Variants in ST18 observed in about 807,000 individuals in gnomAD.
The protein encoded by ST18 is suppression of tumorigenicity 18 protein.
In ST18, 50 loss-of-function variants were observed where a neutral mutation model predicts 110.0. The observed-to-expected ratio is 0.45, with a 90% CI of 0.36 to 0.58. The LOEUF is 0.58. Among genes scored for constraint, ST18 ranks in the 20% least tolerant of loss-of-function variants. The pLI, the probability that ST18 is intolerant of heterozygous loss-of-function variation, is 0.00. For missense variants in ST18, 1,306 were observed against 1,280.1 expected (o/e 1.02, Z -0.31); for synonymous variants, 461 against 452.4 (o/e 1.02, Z -0.24).
intron 2 of ST18, among the ~76,000 whole-genome samples, chr8:52,239,183 G>C (rs1287728472): frequency 6.6e-6 from 1 of 152,158 alleles, no homozygotes; most frequent in Non-Finnish European, 1.5e-5. Context: ...CCCAGGGTTA[G>C]GAGGAAGATG....
chr8:52,184,290 A>G (rs2071091556), intron 8 of ST18, among the ~76,000 whole-genome samples: 1 of 152,208 alleles, frequency 6.6e-6, no homozygotes, highest in East Asian at 1.9e-4. Flanking sequence ...CTATTCAATC[A>G]AACTGTTGCT....
chr8:52,385,662 C>T (rs1227360128), intron 2 of ST18, among the ~76,000 whole-genome samples: 2 of 151,038 alleles, frequency 1.3e-5, no homozygotes, highest in African/African-American at 4.9e-5. Context: ...CTGCTGCCCA[C>T]TCTGCCATAC....
intron 2 of ST18, among the ~76,000 whole-genome samples, chr8:52,338,530 C>T (rs1328136903): frequency 6.6e-6 from 1 of 151,434 alleles, no homozygotes; most frequent in Non-Finnish European, 1.5e-5. Flanking sequence ...CACAGGTGAT[C>T]CTCCCACCTC....
intron 15 of ST18, among the ~76,000 whole-genome samples, chr8:52,152,164 C>G (rs2058976735): frequency 6.6e-6 from 1 of 152,204 alleles, no homozygotes. Flanking sequence ...CACTGGGGAG[C>G]AGGGTACAGA....
chr8:52,126,089 A>C lies in ST18; in HGVS notation c.2718T>G (p.Ser906=). Residue 906 remains serine, a synonymous_variant, in exon 23 of 26, where the codon TCT becomes TCG. Coordinates refer to ENST00000689386, the MANE Select transcript of ST18 (RefSeq NM_001352837.2). ...NAQVIKKGKV[S]EELMTIKLKA... ...TGAGCTTGATGGTCATGAGTTCTTC[A>C]GAAACCTTGCCCTTTTTGATAACTT... The C allele has an allele frequency of 5.6e-6, 9 of 1,614,164 alleles. No homozygotes were observed. The highest frequency in any genetic ancestry group is 7.6e-6 in the Non-Finnish European group (9 of 1,180,000).
chr8:52,376,592 T>C (rs1220747887), intron 2 of ST18, among the ~76,000 whole-genome samples: 1 of 151,854 alleles, frequency 6.6e-6, no homozygotes, highest in African/African-American at 2.4e-5. Context: ...TGTGGTTCAC[T>C]TATTTATTAC....
chr8:52,200,816 T>A (rs2077712068), intron 8 of ST18, among the ~76,000 whole-genome samples: 2 of 152,186 alleles, frequency 1.3e-5, no homozygotes, highest in South Asian at 4.1e-4. Flanking sequence ...CCAAGACTTT[T>A]GAATGTCCCC....
intron 2 of ST18, among the ~76,000 whole-genome samples, chr8:52,302,659 T>C (rs1191584289): frequency 6.6e-6 from 1 of 152,170 alleles, no homozygotes; most frequent in Admixed American, 6.5e-5. Flanking sequence ...GAAAAAATTA[T>C]GGGAATATAT....
intron 2 of ST18, among the ~76,000 whole-genome samples, chr8:52,398,908 TG>T: frequency 6.6e-6 from 1 of 152,190 alleles, no homozygotes; most frequent in Non-Finnish European, 1.5e-5. Flanking sequence ...TCTTTTTCTG[TG>T]GTGTCTTTGT....
intron 2 of ST18, among the ~76,000 whole-genome samples, chr8:52,387,745 G>T (rs931326528): frequency 4.6e-5 from 7 of 152,080 alleles, no homozygotes; most frequent in Non-Finnish European, 1.0e-4. Flanking sequence ...TGACTTGCCT[G>T]CCAGGAATGT....
At chr8:52,279,898 C>T (rs970510383) in intron 2 of ST18, among the ~76,000 whole-genome samples, 4 of 152,064 alleles carry the variant, frequency 2.6e-5, no homozygotes, top group East Asian at 1.9e-4. Context: ...TCACCCAAAA[C>T]GAAAATCTGA....
intron 2 of ST18, among the ~76,000 whole-genome samples, chr8:52,329,080 A>G (rs747200230): frequency 6.6e-6 from 1 of 152,134 alleles, no homozygotes; most frequent in Non-Finnish European, 1.5e-5. Flanking sequence ...TCTCTCACCC[A>G]GCATATTCCA....
At chr8:52,201,967 C>A (rs1400250812) in intron 8 of ST18, among the ~76,000 whole-genome samples, 2 of 152,130 alleles carry the variant, frequency 1.3e-5, no homozygotes, top group Admixed American at 6.5e-5. Flanking sequence ...TTATTGATTG[C>A]AGAAAAATGA....
chr8:52,213,242 T>C (rs1203653576), intron 7 of ST18, among the ~76,000 whole-genome samples: 11 of 152,232 alleles, frequency 7.2e-5, no homozygotes, highest in Admixed American at 7.2e-4. Context: ...ATATTGTAAC[T>C]GAAAAAAATT....
chr8:52,245,667 A>G (rs1328650975), intron 2 of ST18, among the ~76,000 whole-genome samples: 4 of 152,130 alleles, frequency 2.6e-5, no homozygotes, highest in African/African-American at 9.7e-5. Context: ...GAATAGTATC[A>G]ATTAATATAC....
Position 52,172,366 on chromosome 8 carries a change from G to A in ST18, c.495C>T (p.Asp165=), listed in dbSNP as rs757569082. The change falls in exon 10 of 26, where the codon GAC becomes GAT. Residue 165 remains aspartate, a synonymous_variant. Coordinates refer to ENST00000689386, the MANE Select transcript of ST18 (RefSeq NM_001352837.2). The part of the protein sequence containing the change: ...QSLKAESDEA[D]ECFLIHSDDG... ...CATCAGAATGAATCAGAAAGCACTCGTCTGCTTCATCGCTCTCTGCTTTTA... is the reference window on the plus strand; with the variant it reads ...CATCAGAATGAATCAGAAAGCACTCATCTGCTTCATCGCTCTCTGCTTTTA... The A allele has an allele frequency of 3.8e-5, 62 of 1,613,958 alleles. No individual in the cohort carries two copies. The highest frequency in any genetic ancestry group is 8.8e-5 in the South Asian group (8 of 91,062).
chr8:52,254,242 A>G (rs541811502), intron 2 of ST18: 23 of 152,322 alleles, frequency 1.5e-4, no homozygotes, highest in Middle Eastern at 3.4e-3. Context: ...CAAAAGTTTT[A>G]AACTTACTTT....
intron 15 of ST18, among the ~76,000 whole-genome samples, chr8:52,158,515 T>C (rs2060569133): frequency 6.6e-6 from 1 of 152,240 alleles, no homozygotes; most frequent in African/African-American, 2.4e-5. Flanking sequence ...CCTTCTTTGA[T>C]TTGCAGACAC....
rs1819869769 is a variant in ST18 at position 52,350,664 on chromosome 8, C to T, written c.-465+58664G>A. On this transcript the variant is annotated intron_variant, in intron 2 of 25. Coordinates refer to ENST00000689386, the MANE Select transcript of ST18 (RefSeq NM_001352837.2). Reference sequence around the variant, plus strand: ...GGAGGCAAGATCACGGGACTTCTGTCATCCTTCTATGCCATTTTCATCACA... The same window carrying T: ...GGAGGCAAGATCACGGGACTTCTGTTATCCTTCTATGCCATTTTCATCACA... Among the ~76,000 whole-genome samples, 5 of 152,050 alleles carry T rather than the reference C, an allele frequency of 3.3e-5. No homozygotes were observed. In the South Asian group the frequency reaches 1.0e-3, roughly 32 times the overall value.
Sources: allele counts gnomAD v4.1 joint callset (sites outside exome capture counted in the v4.1 genomes callset), GRCh38; gene constraint gnomAD v4.1.1; transcripts MANE v1.5; gene names NCBI Gene and HGNC (gene_info 2026-07-23, HGNC 2026-07-21).